Variants in TAAR2 observed in about 807,000 individuals in gnomAD.
TAAR2 encodes the protein trace amine-associated receptor 2.
Under a neutral mutation model 25.5 loss-of-function variants are expected in TAAR2, and 30 were observed. The observed-to-expected ratio is 1.18, with a 90% CI of 0.88 to 1.60. The LOEUF is 1.60. Ranked by LOEUF, TAAR2 falls within the 40% of genes most tolerant of loss-of-function variation. TAAR2 has a pLI of 0.00. For missense variants in TAAR2, 481 were observed against 416.5 expected (o/e 1.15, Z -1.35); for synonymous variants, 150 against 142.4 (o/e 1.05, Z -0.38).
At chr6:132,620,450 C>G (rs1414484071) in intron 1 of TAAR2, among the ~76,000 whole-genome samples, 1 of 152,166 alleles carries the variant, frequency 6.6e-6, no homozygotes, top group East Asian at 1.9e-4. Flanking sequence ...CAGTTTTATC[C>G]AGATCTGTCT....
chr6:132,619,410 C>T (rs1287785073), intron 1 of TAAR2, among the ~76,000 whole-genome samples: 2 of 152,160 alleles, frequency 1.3e-5, no homozygotes, highest in African/African-American at 4.8e-5. Context: ...ATATGCAAAG[C>T]ATAACTCTTA....
chr6:132,620,336 C>T (rs1227349891), intron 1 of TAAR2, among the ~76,000 whole-genome samples: 1 of 152,174 alleles, frequency 6.6e-6, no homozygotes, highest in African/African-American at 2.4e-5. Flanking sequence ...TGATTGCATA[C>T]CACAAAATAG....
chr6:132,619,877 C>T (rs887087983), intron 1 of TAAR2, among the ~76,000 whole-genome samples: 1 of 152,118 alleles, frequency 6.6e-6, no homozygotes, highest in East Asian at 1.9e-4. Context: ...CTGTTCTACA[C>T]AGAAGGTATG....
intron 1 of TAAR2, among the ~76,000 whole-genome samples, chr6:132,620,715 A>G (rs1459612085): frequency 6.6e-6 from 1 of 152,104 alleles, no homozygotes; most frequent in East Asian, 1.9e-4. Flanking sequence ...AATCTGTACA[A>G]CAAACCCCAT....
intron 1 of TAAR2, among the ~76,000 whole-genome samples, chr6:132,622,111 T>C (rs890127163): frequency 1.3e-5 from 2 of 152,060 alleles, no homozygotes; most frequent in Non-Finnish European, 2.9e-5. Context: ...GTCAGATCTT[T>C]TCGCCATTAC....
chr6:132,622,182 G>A (rs960064576), intron 1 of TAAR2, among the ~76,000 whole-genome samples: 16 of 151,792 alleles, frequency 1.1e-4, no homozygotes, highest in African/African-American at 7.2e-5. Context: ...ATAATGAATT[G>A]TTTGCCCATT....
chr6:132,621,030 G>A (rs934683419), intron 1 of TAAR2, among the ~76,000 whole-genome samples: 57 of 150,108 alleles, frequency 3.8e-4, no homozygotes, highest in Admixed American at 6.6e-5. Context: ...GAGAGAAAAT[G>A]CAGTATTATC....
Position 132,617,938 on chromosome 6 carries a change from A to C in TAAR2, c.268T>G (p.Phe90Val). 6.2e-7 allele frequency: 1 copy of C among 1,614,040 alleles called. No homozygotes were observed. Among genetic ancestry groups the C allele is most frequent in the Non-Finnish European group, 8.5e-7 (1 of 1,179,946 alleles). The change falls in exon 2 of 2, where the codon TTC becomes GTC. Residue 90 changes from phenylalanine (F) to valine (V), a missense_variant. Physicochemically the swap from Phe to Val is conservative, Grantham distance 50. Coordinates refer to ENST00000367931, the MANE Select transcript of TAAR2 (RefSeq NM_001033080.1). ...GGCATGATGGTGAATCCCAGGAGGA[A>C]ATCAGTGATGGCCATGGAGAGGATG... is the stretch of plus-strand genomic sequence containing the variant. ...FLILSMAITD[F>V]LLGFTIMPYS...
In TAAR2 at chr6:132,617,258, A is replaced by G; in HGVS notation, c.948T>C (p.Gly316=). 2 of 1,613,758 alleles carry G rather than the reference A, an allele frequency of 1.2e-6. No individual in the cohort carries two copies. The highest frequency in any genetic ancestry group is 2.2e-5 in the South Asian group (2 of 91,034). Residue 316 remains glycine, a synonymous_variant, in exon 2 of 2, where the codon GGT becomes GGC. Transcript: ENST00000367931. ...FNSTCNPLIY[G]FFYPWFRRAL... ...CTCTGCGAAACCAGGGATAGAAGAA[A>G]CCATATATTAACGGATTACATGTGG...
intron 1 of TAAR2, among the ~76,000 whole-genome samples, chr6:132,621,647 T>C (rs1263504481): frequency 6.6e-6 from 1 of 152,172 alleles, no homozygotes; most frequent in Non-Finnish European, 1.5e-5. Context: ...GCAGAATCTT[T>C]CTAATTCTAA....
chr6:132,621,212 T>C (rs1352939204), intron 1 of TAAR2, among the ~76,000 whole-genome samples: 1 of 151,974 alleles, frequency 6.6e-6, no homozygotes, highest in African/African-American at 2.4e-5. Flanking sequence ...CATACAACAT[T>C]CTTGTGCTTA....
Position 132,621,596 on chromosome 6 carries a change from G to C in TAAR2, c.60+2620C>G, listed in dbSNP as rs980361680. ...TTTGTGTTCCTGGCTTAATCACTTT[G>C]ATATTATTAATCATCTTGCACCCAC... On this transcript the variant is annotated intron_variant, in intron 1 of 1. Transcript: ENST00000367931. Among the ~76,000 whole-genome samples the C allele has an allele frequency of 1.5e-4, 14 of 95,828 alleles. 1 individual carries two copies. The highest frequency in any genetic ancestry group is 9.2e-4 in the East Asian group (3 of 3,250). 62.9% of individuals were successfully genotyped at this position (95,828 alleles called of 152,430 possible). A position where few individuals can be genotyped will look rare whatever the true frequency, so the allele number is the denominator to read the frequency against.
chr6:132,622,623 C>T (rs201894189), intron 1 of TAAR2, among the ~76,000 whole-genome samples: 11 of 151,358 alleles, frequency 7.3e-5, no homozygotes, highest in African/African-American at 2.7e-4. Flanking sequence ...GTAGCTGGGA[C>T]TACAGGCACG....
At chr6:132,623,677 T>C (rs1271047800) in intron 1 of TAAR2, among the ~76,000 whole-genome samples, 1 of 149,920 alleles carries the variant, frequency 6.7e-6, no homozygotes, top group East Asian at 2.0e-4. Flanking sequence ...AACTTAACAA[T>C]TCGTCTTAAG....
intron 1 of TAAR2, among the ~76,000 whole-genome samples, chr6:132,623,934 C>A (rs915455714): frequency 6.6e-6 from 1 of 151,824 alleles, no homozygotes; most frequent in African/African-American, 2.4e-5. Flanking sequence ...ATGGATGGGA[C>A]CTCTGGTTCA....
chr6:132,621,616 A>AC (rs59251067), intron 1 of TAAR2, among the ~76,000 whole-genome samples: 151,891 of 152,214 alleles, frequency 1, 75,785 homozygotes, highest in Middle Eastern at 1. Context: ...ATCATCTTGC[A>AC]CCCACTCTTG....
At chr6:132,623,584 T>G (rs1399383945) in intron 1 of TAAR2, among the ~76,000 whole-genome samples, 1 of 152,108 alleles carries the variant, frequency 6.6e-6, no homozygotes, top group Non-Finnish European at 1.5e-5. Context: ...CCGAAGGAAC[T>G]TTTTTCTTTG....
At chr6:132,619,439 T>C (rs1777346060) in intron 1 of TAAR2, among the ~76,000 whole-genome samples, 1 of 152,196 alleles carries the variant, frequency 6.6e-6, no homozygotes, top group Non-Finnish European at 1.5e-5. Context: ...GAAATGCCTT[T>C]GGCCTTCAGT....
chr6:132,623,615 A>G (rs919771669), intron 1 of TAAR2, among the ~76,000 whole-genome samples: 3 of 151,972 alleles, frequency 2.0e-5, no homozygotes, highest in Admixed American at 6.6e-5. Context: ...AACTACTGTT[A>G]ATGTGTATAT....
Sources: gnomAD v4.1 joint callset for allele counts (sites outside exome capture counted in the v4.1 genomes callset) on GRCh38, gnomAD v4.1.1 for gene constraint, MANE v1.5 for transcripts, NCBI Gene and HGNC (gene_info 2026-07-23, HGNC 2026-07-21) for gene names.